DPP9: variants seen among roughly 807,000 people sequenced by gnomAD.
DPP9 encodes dipeptidyl peptidase 9, also known as dipeptidyl peptidase IV-related protein-2.
In DPP9, 50 loss-of-function variants were observed where a neutral mutation model predicts 110.7. The ratio of observed to expected loss-of-function variants is 0.45; its 90% CI spans 0.36 to 0.57. The LOEUF is 0.57. Ranked by LOEUF, DPP9 falls within the 20% of genes least tolerant of loss-of-function variation. The pLI is 0.00. For synonymous variants in DPP9, 561 were observed against 514.4 expected (o/e 1.09, Z -1.23); for missense variants, 1,022 against 1,217.9 (o/e 0.84, Z 2.39).
chr19:4,692,106 C>T (rs2091380518), intron 13 of DPP9, among the ~76,000 whole-genome samples: 2 of 152,114 alleles, frequency 1.3e-5, no homozygotes, highest in South Asian at 2.1e-4. Flanking sequence ...CAGGTGTGAG[C>T]CACATCCCCG....
intron 4 of DPP9, 56 bp from the exon 5 acceptor site, chr19:4,706,026 G>A (rs1483825591): frequency 9.5e-6 from 14 of 1,480,808 alleles, no homozygotes; most frequent in South Asian, 7.1e-5. Context: ...ATGGGGAGAC[G>A]CCCTCAGCCT....
At chr19:4,700,000 T>C (rs1477704969) in intron 10 of DPP9, among the ~76,000 whole-genome samples, 1 of 152,154 alleles carries the variant, frequency 6.6e-6, no homozygotes, top group Non-Finnish European at 1.5e-5. Flanking sequence ...GGACCCACTC[T>C]GTGAGGCAGG....
Position 4,679,949 on chromosome 19 carries a change from G to A in DPP9, c.2475-3C>T. On this transcript the variant is annotated splice_polypyrimidine_tract_variant and splice_region_variant and intron_variant, in intron 20 of 21. Coordinates refer to ENST00000262960, the MANE Select transcript of DPP9 (RefSeq NM_139159.5). ...GGAGGATAAGCAAGCGGTTGGGCCT[G>A]GAAAACAGATGGGGAAGGGTCTGAG... 1 of 1,608,582 alleles carries A rather than the reference G, an allele frequency of 6.2e-7. No individual in the cohort carries two copies. Among genetic ancestry groups the A allele is most frequent in the South Asian group, 1.1e-5 (1 of 90,210 alleles).
Position 4,685,930 on chromosome 19 carries a change from C to T in DPP9, c.1886-159G>A. 5 of 761,484 alleles carry T rather than the reference C, an allele frequency of 6.6e-6. No individual in the cohort carries two copies. The highest frequency in any genetic ancestry group is 1.0e-5 in the Non-Finnish European group (5 of 492,906). The allele number at this position is 761,484 out of a possible 1,614,324, so 47.2% of individuals were successfully genotyped here. A position where few individuals can be genotyped will look rare whatever the true frequency, so the allele number is the denominator to read the frequency against. On this transcript the variant is annotated intron_variant, in intron 16 of 21. Coordinates refer to ENST00000262960, the MANE Select transcript of DPP9 (RefSeq NM_139159.5). This position sits in a 1 kb window ranked among gnomAD's most constrained non-coding sequence, Gnocchi z 5.8. ...ATAATTGAAAAAAACGTTTTTTTTTCATTAAATAAGATTTGTACAGTTTTT... is the reference window on the plus strand; with the variant it reads ...ATAATTGAAAAAAACGTTTTTTTTTTATTAAATAAGATTTGTACAGTTTTT...
rs780352043 is a variant in DPP9 at position 4,700,169 on chromosome 19, C to T, written c.1074+47G>A. The T allele has an allele frequency of 6.8e-7, 1 of 1,462,644 alleles. No homozygotes were observed. The highest frequency in any genetic ancestry group is 9.3e-7 in the Non-Finnish European group (1 of 1,079,870). The allele number at this position is 1,462,644 out of a possible 1,614,324, so 90.6% of individuals were successfully genotyped here. A position where few individuals can be genotyped will look rare whatever the true frequency, so the allele number is the denominator to read the frequency against. ...CCACCCAGCTGCCTACCCGGCCCTT[C>T]CCCGCATCATCTAGTAGATTATCTG... On this transcript the variant is annotated intron_variant, in intron 10 of 21. Transcript: ENST00000262960. This position sits in a 1 kb window ranked among gnomAD's most constrained non-coding sequence, Gnocchi z 4.3.
At chr19:4,697,692 C>T (rs763726319) in intron 10 of DPP9, 41 bp from the exon 11 acceptor site, 4 of 1,569,698 alleles carry the variant, frequency 2.5e-6, no homozygotes, top group Non-Finnish European at 2.6e-6. Context: ...CCCTGGCCTG[C>T]CCGGCGCTGC....
chr19:4,691,198 G>A (rs2091284842), intron 13 of DPP9, among the ~76,000 whole-genome samples: 1 of 152,196 alleles, frequency 6.6e-6, no homozygotes, highest in Admixed American at 6.5e-5. Flanking sequence ...TAAACCAGGA[G>A]ACCCGTGGCT....
intron 3 of DPP9, among the ~76,000 whole-genome samples, chr19:4,715,019 CT>C (rs59314200): frequency 2.0e-4 from 14 of 68,610 alleles, no homozygotes; most frequent in African/African-American, 5.5e-4. Flanking sequence ...TATATATATA[CT>C]TTTTTTTTTT....
intron 19 of DPP9, 139 bp downstream of exon 19, chr19:4,683,338 C>G (rs759750506): frequency 6.8e-7 from 1 of 1,472,032 alleles, no homozygotes; most frequent in African/African-American, 1.4e-5. Context: ...CAGGGAGAAA[C>G]AGCCACGTGG....
intron 3 of DPP9, chr19:4,717,666 G>C (rs2093140790): frequency 6.6e-6 from 1 of 152,250 alleles, no homozygotes; most frequent in Admixed American, 6.5e-5. Flanking sequence ...CCGGAGATGA[G>C]AAATGAAATG....
In DPP9 at chr19:4,690,976, G is replaced by T. The variant is rs1305337931; in HGVS notation, c.1517-19C>A. The T allele has an allele frequency of 6.3e-7, 1 of 1,594,128 alleles. No homozygotes were observed. Among genetic ancestry groups the T allele is most frequent in the Admixed American group, 1.7e-5 (1 of 58,550 alleles). ...AATTCATCTGGAAAGAAAGAAAGAAGGGAGGTGAAGGGGCCTGGGAGGTGA... is the reference window on the plus strand; with the variant it reads ...AATTCATCTGGAAAGAAAGAAAGAATGGAGGTGAAGGGGCCTGGGAGGTGA... On this transcript the variant is annotated intron_variant, in intron 13 of 21. Transcript: ENST00000262960.
chr19:4,688,028 C>T (rs930110056), intron 16 of DPP9, among the ~76,000 whole-genome samples: 2 of 152,256 alleles, frequency 1.3e-5, no homozygotes, highest in African/African-American at 4.8e-5. Context: ...GATCTCCTGA[C>T]CTTGTGATCC....
chr19:4,714,110 C>T lies in DPP9; in HGVS notation c.284G>A (p.Gly95Glu). The T allele has an allele frequency of 1.2e-6, 2 of 1,612,806 alleles. No individual in the cohort carries two copies. Among genetic ancestry groups the T allele is most frequent in the South Asian group, 2.2e-5 (2 of 91,008 alleles). Residue 95 changes from glycine to glutamate, a missense_variant, in exon 4 of 22, where the codon GGG becomes GAG. By Grantham distance (98) the Gly-to-Glu change is moderately conservative. Around this residue, in one of 3 missense-constraint regions of DPP9, gnomAD observed 810 missense variants for 920.6 expected, o/e 0.88. Coordinates refer to ENST00000262960, the MANE Select transcript of DPP9 (RefSeq NM_139159.5). ...GTAGTAGAGGCGGTGGGAGTGGGGC[C>T]CAGACTCATCCGTCTTCTGCACAAA... ...FQFVQKTDES[G>E]PHSHRLYYLG...
rs749524809 is a variant in DPP9, at chr19:4,684,652, G to A, written c.2178+11C>T. On this transcript the variant is annotated intron_variant, in intron 18 of 21. Transcript: ENST00000262960. This position sits in a 1 kb window ranked among gnomAD's most constrained non-coding sequence, Gnocchi z 4.8. ...CCCAAAGGACCCAGAGCAACAGGGA[G>A]GAGTTGTTACCATTTGGTTTTTCAG... The A allele has an allele frequency of 6.2e-7, 1 of 1,613,084 alleles. No homozygotes were observed. The highest frequency in any genetic ancestry group is 2.2e-5 in the East Asian group (1 of 44,862).
rs917841973 is a variant in DPP9 at position 4,706,105 on chromosome 19, C to T, written c.314-135G>A. 31 of 685,412 alleles carry T rather than the reference C, an allele frequency of 4.5e-5. No homozygotes were observed. The African/African-American group carries it at 4.9e-4, about 11-fold the overall frequency. The allele number at this position is 685,412 out of a possible 1,614,324, so 42.5% of individuals were successfully genotyped here. A position where few individuals can be genotyped will look rare whatever the true frequency, so the allele number is the denominator to read the frequency against. On this transcript the variant is annotated intron_variant, in intron 4 of 21. Transcript: ENST00000262960. ...CCAGGCCGCCGGCGGGACAGCCCTC[C>T]CCGGAAAGCTATGGATCCTGGGTTT...
chr19:4,703,144 G>A (rs559221026), intron 7 of DPP9, among the ~76,000 whole-genome samples: 1 of 152,140 alleles, frequency 6.6e-6, no homozygotes, highest in Non-Finnish European at 1.5e-5. Flanking sequence ...ACCAAGACAA[G>A]GAAGGATGGG....
intron 7 of DPP9, 105 bp downstream of exon 7, chr19:4,703,781 T>G: frequency 4.0e-6 from 5 of 1,248,920 alleles, no homozygotes; most frequent in East Asian, 2.5e-5. Flanking sequence ...GAGGGTGGCT[T>G]GTGAGGGGTG....
chr19:4,719,039 C>A (rs2093201242), intron 3 of DPP9, among the ~76,000 whole-genome samples: 1 of 152,044 alleles, frequency 6.6e-6, no homozygotes, highest in Admixed American at 6.6e-5. Context: ...GGATCCTCCT[C>A]ATTTTCAGGA....
At chr19:4,714,832 C>A (rs895452023) in intron 3 of DPP9, among the ~76,000 whole-genome samples, 9 of 151,966 alleles carry the variant, frequency 5.9e-5, no homozygotes, top group Non-Finnish European at 1.3e-4. Context: ...CTGCTGTCGA[C>A]CCCTGCCAAG....
Sources: allele counts gnomAD v4.1 joint callset (sites outside exome capture counted in the v4.1 genomes callset), GRCh38; gene constraint gnomAD v4.1.1; regional missense constraint gnomAD v4.1.1; non-coding constraint Gnocchi (gnomAD v3.1); transcripts MANE v1.5; gene names NCBI Gene and HGNC (gene_info 2026-07-23, HGNC 2026-07-21).